Variants in HCAR1 observed in about 807,000 individuals in gnomAD.
The protein encoded by HCAR1 is G protein-coupled receptor 104.
For synonymous variants in HCAR1, 183 were observed against 182.1 expected (o/e 1.01, Z -0.04); for missense variants, 445 against 448.7 (o/e 0.99, Z 0.07).
At position 122,729,245 on chromosome 12, in the gene HCAR1, C is replaced by T; in HGVS notation, c.*54G>A. On this transcript the variant is annotated 3_prime_UTR_variant, in exon 1 of 1. Coordinates refer to ENST00000432564, the MANE Select transcript of HCAR1 (RefSeq NM_032554.4). ...TTTCAAAGCCCCCGACCCCTTAGCA[C>T]GAGTTAATTCTAAGTCACCACTCTA... 9 of 1,547,726 alleles carry T rather than the reference C, an allele frequency of 5.8e-6. No individual in the cohort carries two copies. The highest frequency in any genetic ancestry group is 1.2e-5 in the South Asian group (1 of 83,806).
rs747691248 is a variant in HCAR1, at chr12:122,729,302, G to A, written c.1038C>T (p.His346=). 1.9e-6 allele frequency: 3 copies of A among 1,613,016 alleles called. No homozygotes were observed. The highest frequency in any genetic ancestry group is 2.5e-6 in the Non-Finnish European group (3 of 1,179,204). The change falls in exon 1 of 1, where the codon CAC becomes CAT. Residue 346 remains histidine, a synonymous_variant. Transcript: ENST00000432564. The part of the protein sequence containing the change: ...GQWDPHIVEW[H] ...TCAGTGTTGTTGGTCTGCTTGTTCA[G>A]TGCCACTCAACAATGTGGGGATCCC...
In HCAR1 at chr12:122,729,033, A is replaced by G. The variant is rs772873000; in HGVS notation, c.*266T>C. 2.0e-6 allele frequency: 1 copy of G among 507,162 alleles called. No individual in the cohort carries two copies. The highest frequency in any genetic ancestry group is 3.6e-6 in the Non-Finnish European group (1 of 280,374). 31.4% of individuals were successfully genotyped at this position (507,162 alleles called of 1,614,324 possible). A position where few individuals can be genotyped will look rare whatever the true frequency, so the allele number is the denominator to read the frequency against. On this transcript the variant is annotated 3_prime_UTR_variant, in exon 1 of 1. Transcript: ENST00000432564. ...GTTCCTAGCCCCCCTCCCAACACACACATGCTCCACTCCATGCACATTCTG... is the reference window on the plus strand; with the variant it reads ...GTTCCTAGCCCCCCTCCCAACACACGCATGCTCCACTCCATGCACATTCTG...
At position 122,727,844 on chromosome 12, in the gene HCAR1, T is replaced by A. The variant is rs1877834468; in HGVS notation, c.*1455A>T. 1 of 152,204 alleles carries A rather than the reference T, an allele frequency of 6.6e-6. No homozygotes were observed. The allele number at this position is 152,204 out of a possible 1,614,324, so 9.4% of individuals were successfully genotyped here. ...ATAAATTAAGGAGTTGAGAACCATG[T>A]TCACCACTTTGTAGCTTGAGAAAGG... On this transcript the variant is annotated 3_prime_UTR_variant, in exon 1 of 1. Transcript: ENST00000432564.
In HCAR1 at chr12:122,730,206, T is replaced by C; in HGVS notation, c.134A>G (p.Lys45Arg). The change falls in exon 1 of 1, where the codon AAG becomes AGG. Residue 45 changes from lysine (K) to arginine (R), a missense_variant. Lys to Arg is a conservative substitution (Grantham distance 26). Coordinates refer to ENST00000432564, the MANE Select transcript of HCAR1 (RefSeq NM_032554.4). ...VALCGFCFHM[K>R]TWKPSTVYLF... ...GTAAACAGTGCTGGGCTTCCAGGTC[T>C]TCATGTGGAAGCAGAAACCACACAG... 6.2e-7 allele frequency: 1 copy of C among 1,614,144 alleles called. No homozygotes were observed. The highest frequency in any genetic ancestry group is 8.5e-7 in the Non-Finnish European group (1 of 1,180,022).
chr12:122,730,346 G>T lies in HCAR1; in HGVS notation c.-7C>A, dbSNP rs1274978449. On this transcript the variant is annotated 5_prime_UTR_variant, in exon 1 of 1. Coordinates refer to ENST00000432564, the MANE Select transcript of HCAR1 (RefSeq NM_032554.4). ...AGCACGACCCGTTGTACATGGCGGG[G>T]ACAGAGCAAGTGTCCGGGTGCAGAG... 6.4e-7 allele frequency: 1 copy of T among 1,553,458 alleles called. No individual in the cohort carries two copies. The highest frequency in any genetic ancestry group is 1.4e-5 in the African/African-American group (1 of 73,228).
At position 122,730,342 on chromosome 12, in the gene HCAR1, C is replaced by A; in HGVS notation, c.-3G>T. ...CGGCAGCACGACCCGTTGTACATGG[C>A]GGGGACAGAGCAAGTGTCCGGGTGC... On this transcript the variant is annotated 5_prime_UTR_variant, in exon 1 of 1. Transcript: ENST00000432564. The A allele has an allele frequency of 1.3e-6, 2 of 1,558,532 alleles. No individual in the cohort carries two copies. Among genetic ancestry groups the A allele is most frequent in the South Asian group, 2.4e-5 (2 of 82,864 alleles).
In HCAR1 at chr12:122,728,652, C is replaced by A. The variant is rs1274224897; in HGVS notation, c.*647G>T. 1 of 155,260 alleles carries A rather than the reference C, an allele frequency of 6.4e-6. No homozygotes were observed. The highest frequency in any genetic ancestry group is 1.4e-5 in the Non-Finnish European group (1 of 70,148). The allele number at this position is 155,260 out of a possible 1,614,324, so 9.6% of individuals were successfully genotyped here. The stretch of plus-strand genomic sequence containing the variant: ...CATGCCCCATTCAAACACATATACC[C>A]ATTTACTTAGCCATTTAAAATGACA... On this transcript the variant is annotated 3_prime_UTR_variant, in exon 1 of 1. Transcript: ENST00000432564.
Position 122,726,531 on chromosome 12 carries a change from T to C in HCAR1, c.*2768A>G, listed in dbSNP as rs1291380869. On this transcript the variant is annotated 3_prime_UTR_variant, in exon 1 of 1. Transcript: ENST00000432564. Reference sequence around the variant, plus strand: ...CTGATGCCTCAGGAATGTACATTCATTTAAACTGCCCAATGACACACTGAG... The same window carrying C: ...CTGATGCCTCAGGAATGTACATTCACTTAAACTGCCCAATGACACACTGAG... 1 of 152,176 alleles carries C rather than the reference T, an allele frequency of 6.6e-6. No individual in the cohort carries two copies. Among genetic ancestry groups the C allele is most frequent in the Non-Finnish European group, 1.5e-5 (1 of 68,044 alleles). The allele number at this position is 152,176 out of a possible 1,614,324, so 9.4% of individuals were successfully genotyped here.
Position 122,729,349 on chromosome 12 carries a change from G to C in HCAR1, c.991C>G (p.Gln331Glu). Reference protein sequence around the residue: ...RSCISVANSFQSQSDGQWDPH... With the variant: ...RSCISVANSFESQSDGQWDPH... ...TCCCATTGCCCATCAGACTGGCTTT[G>C]GAAACTATTTGCCACACTGATGCAA... The change falls in exon 1 of 1, where the codon CAA becomes GAA. Residue 331 changes from glutamine (Q) to glutamate (E), a missense_variant. Transcript: ENST00000432564. 1.2e-6 allele frequency: 2 copies of C among 1,614,056 alleles called. No individual in the cohort carries two copies. Among genetic ancestry groups the C allele is most frequent in the East Asian group, 2.2e-5 (1 of 44,876 alleles).
In HCAR1 at chr12:122,730,609, G is replaced by A. The variant is rs1470770391; in HGVS notation, c.-270C>T. On this transcript the variant is annotated 5_prime_UTR_variant, in exon 1 of 1. Coordinates refer to ENST00000432564, the MANE Select transcript of HCAR1 (RefSeq NM_032554.4). ...GGAGAGGCCAAGCCTGGAGCCGGATGAAGCTTGGAAATGCATGCAATTTTG... is the reference window on the plus strand; with the variant it reads ...GGAGAGGCCAAGCCTGGAGCCGGATAAAGCTTGGAAATGCATGCAATTTTG... The A allele has an allele frequency of 7.7e-6, 3 of 391,970 alleles. No homozygotes were observed. The highest frequency in any genetic ancestry group is 9.4e-6 in the Non-Finnish European group (2 of 211,726). The allele number at this position is 391,970 out of a possible 1,614,324, so 24.3% of individuals were successfully genotyped here.
rs768248195 is a variant in HCAR1, at chr12:122,729,266, C to T, written c.*33G>A. On this transcript the variant is annotated 3_prime_UTR_variant, in exon 1 of 1. Transcript: ENST00000432564. ...AGCACGAGTTAATTCTAAGTCACCA[C>T]TCTATCTTCCTCAGTGTTGTTGGTC... 6.9e-6 allele frequency: 11 copies of T among 1,592,148 alleles called. No homozygotes were observed. The South Asian group carries it at 1.2e-4, about 18-fold the overall frequency.
Position 122,726,942 on chromosome 12 carries a change from T to TAG in HCAR1, c.*2355_*2356dup, listed in dbSNP as rs1156634425. On this transcript the variant is annotated 3_prime_UTR_variant, in exon 1 of 1. Transcript: ENST00000432564. Reference sequence around the variant, plus strand: ...AAAAAAAAAAAAATATATATATATATAGATAGATAGATATCTATATATCTC... The same window carrying TAG: ...AAAAAAAAAAAAATATATATATATATAGAGATAGATAGATATCTATATATCTC... The TAG allele has an allele frequency of 8.3e-5, 12 of 144,084 alleles. No individual in the cohort carries two copies. Among genetic ancestry groups the TAG allele is most frequent in the African/African-American group, 2.6e-4 (10 of 38,746 alleles). 8.9% of individuals were successfully genotyped at this position (144,084 alleles called of 1,614,324 possible). A position where few individuals can be genotyped will look rare whatever the true frequency, so the allele number is the denominator to read the frequency against.
rs1244036093 is a variant in HCAR1, at chr12:122,730,360, C to T, written c.-21G>A. On this transcript the variant is annotated 5_prime_UTR_variant, in exon 1 of 1. Transcript: ENST00000432564. ...TACATGGCGGGGACAGAGCAAGTGT[C>T]CGGGTGCAGAGCAGCCCAGGGAGTC... 2 of 1,536,480 alleles carry T rather than the reference C, an allele frequency of 1.3e-6. No homozygotes were observed. The highest frequency in any genetic ancestry group is 2.3e-5 in the East Asian group (1 of 43,972).
Position 122,727,145 on chromosome 12 carries a change from G to A in HCAR1, c.*2154C>T, listed in dbSNP as rs1178637015. ...AATTTAAAAATTAGCTGAGTGTGGT[G>A]GCTTATGCCTGTACTCCCAGCTATT... On this transcript the variant is annotated 3_prime_UTR_variant, in exon 1 of 1. Coordinates refer to ENST00000432564, the MANE Select transcript of HCAR1 (RefSeq NM_032554.4). The A allele has an allele frequency of 1.3e-5, 2 of 151,980 alleles. No individual in the cohort carries two copies. Among genetic ancestry groups the A allele is most frequent in the Non-Finnish European group, 2.9e-5 (2 of 68,048 alleles). 9.4% of individuals were successfully genotyped at this position (151,980 alleles called of 1,614,324 possible). A position where few individuals can be genotyped will look rare whatever the true frequency, so the allele number is the denominator to read the frequency against.
chr12:122,729,646 A>C lies in HCAR1; in HGVS notation c.694T>G (p.Cys232Gly). Residue 232 changes from cysteine to glycine, a missense_variant, in exon 1 of 1, where the codon TGC becomes GGC. Transcript: ENST00000432564. ...IMVVAIVFIT[C>G]YLPSVSARLY... ...CTAGCAGACACGCTGGGCAGGTAGC[A>C]TGTGATGAACACAATTGCCACCACC... is the stretch of plus-strand genomic sequence containing the variant. The C allele has an allele frequency of 1.9e-6, 3 of 1,614,150 alleles. No individual in the cohort carries two copies. The highest frequency in any genetic ancestry group is 2.5e-6 in the Non-Finnish European group (3 of 1,180,028).
Position 122,730,390 on chromosome 12 carries a change from C to T in HCAR1, c.-51G>A. On this transcript the variant is annotated 5_prime_UTR_variant, in exon 1 of 1. The change creates a new upstream start codon in the 5' untranslated region. Transcript: ENST00000432564. ...TGCAGAGCAGCCCAGGGAGTCCCCA[C>T]AATGGCACAGATGCTTATCTGAGCG... The T allele has an allele frequency of 7.1e-7, 1 of 1,407,428 alleles. No homozygotes were observed. Among genetic ancestry groups the T allele is most frequent in the Non-Finnish European group, 9.6e-7 (1 of 1,042,364 alleles). The allele number at this position is 1,407,428 out of a possible 1,614,324, so 87.2% of individuals were successfully genotyped here. A position where few individuals can be genotyped will look rare whatever the true frequency, so the allele number is the denominator to read the frequency against.
rs1331224857 is a variant in HCAR1, at chr12:122,726,223, T to C, written c.*3076A>G. 6.6e-6 allele frequency: 1 copy of C among 152,232 alleles called. No homozygotes were observed. Among genetic ancestry groups the C allele is most frequent in the African/African-American group, 2.4e-5 (1 of 41,462 alleles). The allele number at this position is 152,232 out of a possible 1,614,324, so 9.4% of individuals were successfully genotyped here. ...GTATGACTAATGCTGGTAAGAATTC[T>C]TGCCTTTACTCTTCCCCAGGTAACT... On this transcript the variant is annotated 3_prime_UTR_variant, in exon 1 of 1. Coordinates refer to ENST00000432564, the MANE Select transcript of HCAR1 (RefSeq NM_032554.4).
Position 122,729,709 on chromosome 12 carries a change from T to A in HCAR1, c.631A>T (p.Arg211Ter), listed in dbSNP as rs960880928. 1 of 1,613,930 alleles carries A rather than the reference T, an allele frequency of 6.2e-7. No homozygotes were observed. Among genetic ancestry groups the A allele is most frequent in the Admixed American group, 1.7e-5 (1 of 60,010 alleles). ...WSLRRRQQLA[R>*]QARMKKATRF... ...GTCGCCTTCTTCATCCGAGCCTGTC[T>A]GGCCAGCTGCTGCCTCCGCCTCAGG... The change falls in exon 1 of 1, where the codon AGA (arginine) becomes TGA (stop). Residue 211 changes from arginine (R) to a stop codon, truncating the protein, a stop_gained. Coordinates refer to ENST00000432564, the MANE Select transcript of HCAR1 (RefSeq NM_032554.4). LOFTEE classifies it low-confidence loss of function (END_TRUNC).
Position 122,730,274 on chromosome 12 carries a change from G to A in HCAR1, c.66C>T (p.Leu22=). The change falls in exon 1 of 1, where the codon CTC becomes CTT. Residue 22 remains leucine (L), a synonymous_variant. Transcript: ENST00000432564. ...DTISQVMPPL[L]IVAFVLGALG... Reference sequence around the variant, plus strand: ...GTGCGCCCAGCACAAAGGCCACAATGAGCAGCGGCGGCATCACCTGGGAGA... The same window carrying A: ...GTGCGCCCAGCACAAAGGCCACAATAAGCAGCGGCGGCATCACCTGGGAGA... 6.2e-7 allele frequency: 1 copy of A among 1,608,038 alleles called. No homozygotes were observed. The highest frequency in any genetic ancestry group is 8.5e-7 in the Non-Finnish European group (1 of 1,176,082).
Sources: allele counts gnomAD v4.1 joint callset, GRCh38; gene constraint gnomAD v4.1.1; transcripts MANE v1.5; gene names NCBI Gene and HGNC (gene_info 2026-07-23, HGNC 2026-07-21).